ITPR1: variants seen among roughly 807,000 people sequenced by gnomAD.
ITPR1 encodes the protein inositol 1,4,5-trisphosphate receptor type 1, also known as inositol 1,4,5-trisphosphate-gated calcium channel ITPR1.
A neutral mutation model predicts 318.4 loss-of-function variants in ITPR1; 96 were observed. The observed-to-expected ratio is 0.30, with a 90% CI of 0.26 to 0.36. The LOEUF (loss-of-function observed/expected upper bound fraction) is 0.36, where lower values mean the gene tolerates loss of function less well. Ranked by LOEUF, ITPR1 falls within the 10% of genes least tolerant of loss-of-function variation. The pLI, the probability that ITPR1 is intolerant of heterozygous loss-of-function variation, is 1.00. For synonymous variants in ITPR1, 1,312 were observed against 1,289.9 expected (o/e 1.02, Z -0.37); for missense variants, 2,440 against 3,460.2 (o/e 0.71, Z 7.40).
intron 2 of ITPR1, among the ~76,000 whole-genome samples, chr3:4,495,765 T>C (rs533611252): frequency 9.6e-4 from 146 of 152,312 alleles, no homozygotes; most frequent in African/African-American, 3.2e-3. Context: ...CAGTAGCTAG[T>C]ACAAAGTAGG....
chr3:4,771,045 T>C (rs2046155758), intron 46 of ITPR1, among the ~76,000 whole-genome samples: 2 of 152,160 alleles, frequency 1.3e-5, no homozygotes, highest in Admixed American at 1.3e-4. Context: ...TCAGTGCCCC[T>C]GTACTATTCC....
intron 4 of ITPR1, among the ~76,000 whole-genome samples, chr3:4,549,223 A>G (rs1158605869): frequency 6.6e-6 from 1 of 152,234 alleles, no homozygotes; most frequent in Non-Finnish European, 1.5e-5. Flanking sequence ...TTAAAAATAG[A>G]CAAATGCACT....
chr3:4,572,593 A>G (rs1181786780), intron 4 of ITPR1, among the ~76,000 whole-genome samples: 1 of 152,218 alleles, frequency 6.6e-6, no homozygotes, highest in African/African-American at 2.4e-5. Flanking sequence ...ATTGTGGTAA[A>G]AACAGATAAT....
At chr3:4,805,479 C>T (rs1331067571) in intron 54 of ITPR1, among the ~76,000 whole-genome samples, 1 of 152,166 alleles carries the variant, frequency 6.6e-6, no homozygotes, top group Non-Finnish European at 1.5e-5. Flanking sequence ...CCACCCAGAC[C>T]TCAAAGACTG....
chr3:4,821,573 C>T (rs529467971), intron 60 of ITPR1, among the ~76,000 whole-genome samples: 14 of 152,308 alleles, frequency 9.2e-5, no homozygotes, highest in South Asian at 2.1e-4. Context: ...TGACATTTGA[C>T]GAGTCATGAA....
intron 4 of ITPR1, among the ~76,000 whole-genome samples, chr3:4,535,426 C>CTTTTTTTTTTTTTAAT (rs2083765444): frequency 8.9e-6 from 1 of 112,268 alleles, no homozygotes; most frequent in South Asian, 2.9e-4. Context: ...AAATTATTTT[C>CTTTTTTTTTTTTTAAT]TTTTTTTTTT....
rs141635457 is a variant in ITPR1 at position 4,641,096 on chromosome 3, G to A, written c.367-997G>A. Among the ~76,000 whole-genome samples, 1,182 of 152,296 alleles carry A rather than the reference G, an allele frequency of 7.8e-3. 8 individuals carry two copies. Among genetic ancestry groups the A allele is most frequent in the Middle Eastern group, 0.048 (14 of 294 alleles). ...GTTACATGTGAAAAGGAGGATAATC[G>A]CAATTAGCAATGGAGTCTTTTGCTG... is the stretch of plus-strand genomic sequence containing the variant. On this transcript the variant is annotated intron_variant, in intron 6 of 61. Transcript: ENST00000649015.
rs199577774 is a variant in ITPR1 at position 4,691,151 on chromosome 3, A to C, written c.3836A>C (p.Glu1279Ala). The C allele has an allele frequency of 8.1e-6, 13 of 1,605,602 alleles. No individual in the cohort carries two copies. Among genetic ancestry groups the C allele is most frequent in the Non-Finnish European group, 9.4e-6 (11 of 1,173,908 alleles). ...INLFLNPGILEAVTMQHIFMN... is the reference protein window; with the variant it reads ...INLFLNPGILAAVTMQHIFMN... ...TCCTCACTCTTGTGCCAGATCCTGGAGGCAGTAACCATGCAGCACATCTTC... is the reference window on the plus strand; with the variant it reads ...TCCTCACTCTTGTGCCAGATCCTGGCGGCAGTAACCATGCAGCACATCTTC... The change falls in exon 32 of 62, where the codon GAG becomes GCG. Residue 1279 changes from glutamate (E) to alanine (A), a missense_variant. This residue lies in a region of ITPR1 where 222 missense variants were observed against 318.8 expected (regional missense o/e 0.70). Coordinates refer to ENST00000649015, the MANE Select transcript of ITPR1 (RefSeq NM_001378452.1).
chr3:4,631,939 A>G (rs1328840173), intron 5 of ITPR1, among the ~76,000 whole-genome samples: 2 of 152,208 alleles, frequency 1.3e-5, no homozygotes, highest in African/African-American at 2.4e-5. Context: ...GGCATGGACT[A>G]CTGCGCCCAG....
intron 53 of ITPR1, among the ~76,000 whole-genome samples, chr3:4,798,106 A>G (rs2048007897): frequency 6.6e-6 from 1 of 152,192 alleles, no homozygotes; most frequent in African/African-American, 2.4e-5. Flanking sequence ...GGTCACATTG[A>G]TGATACTGAG....
chr3:4,642,527 GTGTTAATGTCCTGGAGAGGGTCCC>G (rs2093360880), intron 7 of ITPR1, among the ~76,000 whole-genome samples: 2 of 152,154 alleles, frequency 1.3e-5, no homozygotes, highest in Admixed American at 1.3e-4. Flanking sequence ...CAGCTATTCC[GTGTTAATGTCCTGGAGAGGGTCCC>G]TGTCATTCCA....
In ITPR1 at chr3:4,808,273, T is replaced by C. The variant is rs371422066; in HGVS notation, c.7272+2006T>C. 9.1e-4 allele frequency among the ~76,000 whole-genome samples: 138 copies of C among 152,336 alleles called. 1 individual carries two copies. The highest frequency in any genetic ancestry group is 3.2e-3 in the African/African-American group (134 of 41,566). On this transcript the variant is annotated intron_variant, in intron 55 of 61. Coordinates refer to ENST00000649015, the MANE Select transcript of ITPR1 (RefSeq NM_001378452.1). ...TACACCTGAGGAAACTGAGGCTTGGTGAGGTTAGGTAACTTGCTCAGAGTC... is the reference window on the plus strand; with the variant it reads ...TACACCTGAGGAAACTGAGGCTTGGCGAGGTTAGGTAACTTGCTCAGAGTC...
chr3:4,634,101 T>C (rs2093102585), intron 5 of ITPR1, among the ~76,000 whole-genome samples: 1 of 152,230 alleles, frequency 6.6e-6, no homozygotes, highest in Non-Finnish European at 1.5e-5. Flanking sequence ...GAGTGTTTTT[T>C]TTCCCCTTAG....
intron 39 of ITPR1, among the ~76,000 whole-genome samples, chr3:4,715,297 T>C (rs935955702): frequency 6.6e-6 from 1 of 152,224 alleles, no homozygotes; most frequent in African/African-American, 2.4e-5. Flanking sequence ...TGTTACACGA[T>C]TATGTAAACA....
Position 4,710,336 on chromosome 3 carries a change from C to T in ITPR1, c.4854C>T (p.Ser1618=), listed in dbSNP as rs373127487. The stretch of plus-strand genomic sequence containing the variant: ...TGTTTCCGTTTTAGGACATCGTCTC[C>T]GCGCTGGAGGACCGTCTCAGGCCCC... ...NIIERLQDIV[S]ALEDRLRPLV... Residue 1618 remains serine, a synonymous_variant, in exon 38 of 62, where the codon TCC becomes TCT. Transcript: ENST00000649015. This position sits in a 1 kb window ranked among gnomAD's most constrained non-coding sequence, Gnocchi z 4.2. 4.2e-4 allele frequency: 658 copies of T among 1,560,426 alleles called. 2 individuals are homozygous for T. In the Middle Eastern group the frequency reaches 0.011, roughly 26 times the overall value.
intron 4 of ITPR1, among the ~76,000 whole-genome samples, chr3:4,535,926 A>G (rs894087309): frequency 6.6e-6 from 1 of 152,156 alleles, no homozygotes; most frequent in African/African-American, 2.4e-5. Context: ...AGATTATGTA[A>G]AATTTGACAT....
At chr3:4,818,382 C>G in intron 60 of ITPR1, 140 bp downstream of exon 60, 1 of 603,730 alleles carries the variant, frequency 1.7e-6, no homozygotes. Flanking sequence ...GGATGGGGCG[C>G]TGTGCTCTGT....
Position 4,815,057 on chromosome 3 carries a change from C to G in ITPR1, c.7706C>G (p.Pro2569Arg). 1 of 1,609,212 alleles carries G rather than the reference C, an allele frequency of 6.2e-7. No homozygotes were observed. The highest frequency in any genetic ancestry group is 8.5e-7 in the Non-Finnish European group (1 of 1,176,802). Residue 2569 changes from proline (P) to arginine (R), a missense_variant, in exon 59 of 62, where the codon CCC (proline) becomes CGC (arginine). By Grantham distance (103) the Pro-to-Arg change is moderately radical (BLOSUM62 -2). Around this residue, in one of 23 missense-constraint regions of ITPR1, gnomAD observed 72 missense variants for 197.7 expected, o/e 0.36. Transcript: ENST00000649015. ...CCAGACACCTCTCTTTTCCAGGAAC[C>G]CCTGTTTGCTGCTAGAGTTATTTAT... is the stretch of plus-strand genomic sequence containing the variant. The part of the protein sequence containing the change: ...DVLRKPSKEE[P>R]LFAARVIYDL...
At chr3:4,627,949 G>T in intron 5 of ITPR1, 71 bp downstream of exon 5, 1 of 879,126 alleles carries the variant, frequency 1.1e-6, no homozygotes, top group Non-Finnish European at 1.8e-6. Context: ...GGGTGTAATG[G>T]TGGGAGACTG....
Sources: allele counts gnomAD v4.1 joint callset (sites outside exome capture counted in the v4.1 genomes callset), GRCh38; gene constraint gnomAD v4.1.1; regional missense constraint gnomAD v4.1.1; non-coding constraint Gnocchi (gnomAD v3.1); transcripts MANE v1.5; gene names NCBI Gene and HGNC (gene_info 2026-07-23, HGNC 2026-07-21).